CPED1: variants seen among roughly 807,000 people sequenced by gnomAD.
CPED1 encodes cadherin-like and PC-esterase domain-containing protein 1.
A neutral mutation model predicts 128.2 loss-of-function variants in CPED1; 114 were observed. That is an observed-to-expected ratio of 0.89 (90% CI 0.76 to 1.04). The LOEUF (loss-of-function observed/expected upper bound fraction) is 1.04. Ranked by LOEUF, CPED1 falls within the 50% of genes least tolerant of loss-of-function variation. CPED1 has a pLI of 0.00. For synonymous variants in CPED1, 462 were observed against 426.7 expected, an observed-to-expected ratio of 1.08 and a Z score of -1.02; for missense variants, 1,211 against 1,207.1, an observed-to-expected ratio of 1.00 and a Z score of -0.05.
At chr7:121,124,231 T>C (rs548687153) in intron 7 of CPED1, 100 bp from the exon 8 acceptor site, 34 of 1,080,502 alleles carry the variant, frequency 3.1e-5, no homozygotes, top group South Asian at 1.1e-4. Context: ...GTGTGACAAG[T>C]AGAGATAACC....
At chr7:121,117,878 C>T (rs1339996804) in intron 7 of CPED1, among the ~76,000 whole-genome samples, 7 of 151,254 alleles carry the variant, frequency 4.6e-5, no homozygotes, top group Non-Finnish European at 8.8e-5. Flanking sequence ...CTTTTGCTAG[C>T]TCTGATATTA....
At chr7:121,292,546 T>A (rs973793328) in intron 22 of CPED1, among the ~76,000 whole-genome samples, 1 of 151,966 alleles carries the variant, frequency 6.6e-6, no homozygotes, top group Non-Finnish European at 1.5e-5. Flanking sequence ...CTCCATCCAG[T>A]TTTGTTCCCT....
intron 7 of CPED1, among the ~76,000 whole-genome samples, chr7:121,101,205 G>A (rs1345684334): frequency 1.3e-5 from 2 of 150,706 alleles, no homozygotes; most frequent in Admixed American, 1.3e-4. Flanking sequence ...TAGATTTTTA[G>A]TTTTAGTTGA....
At chr7:121,129,515 G>A (rs1042756816) in intron 11 of CPED1, among the ~76,000 whole-genome samples, 1 of 151,082 alleles carries the variant, frequency 6.6e-6, no homozygotes, top group Non-Finnish European at 1.5e-5. Flanking sequence ...TATTTTAAAC[G>A]TATAAGTATT....
intron 7 of CPED1, among the ~76,000 whole-genome samples, chr7:121,107,969 T>C (rs1391533298): frequency 6.6e-6 from 1 of 152,154 alleles, no homozygotes; most frequent in Non-Finnish European, 1.5e-5. Context: ...ATTTATTCAT[T>C]GTAAGTTTAA....
chr7:121,159,967 A>C (rs940662254), intron 16 of CPED1, among the ~76,000 whole-genome samples: 21 of 152,322 alleles, frequency 1.4e-4, no homozygotes, highest in African/African-American at 4.8e-4. Context: ...GTTAAAATGC[A>C]TGATTACATT....
intron 16 of CPED1, among the ~76,000 whole-genome samples, chr7:121,208,229 G>A (rs1797564778): frequency 6.6e-6 from 1 of 151,814 alleles, no homozygotes. Flanking sequence ...TTACGTATCT[G>A]CATATGTAAT....
At chr7:121,148,196 T>C (rs1796069364) in intron 16 of CPED1, among the ~76,000 whole-genome samples, 2 of 152,184 alleles carry the variant, frequency 1.3e-5, no homozygotes, top group Non-Finnish European at 2.9e-5. Context: ...AACAATACAA[T>C]ATGTGCTATA....
chr7:121,201,271 A>C (rs928070063), intron 16 of CPED1, among the ~76,000 whole-genome samples: 2 of 152,080 alleles, frequency 1.3e-5, no homozygotes, highest in African/African-American at 2.4e-5. Flanking sequence ...CGCTCCACCA[A>C]AAATACAAAA....
chr7:121,178,046 G>A (rs1462196937), intron 16 of CPED1, among the ~76,000 whole-genome samples: 1 of 152,076 alleles, frequency 6.6e-6, no homozygotes, highest in African/African-American at 2.4e-5. Context: ...GTATTCACGA[G>A]GAGGGGCTCT....
chr7:121,191,113 C>A (rs1797126777), intron 16 of CPED1, among the ~76,000 whole-genome samples: 1 of 151,922 alleles, frequency 6.6e-6, no homozygotes, highest in Non-Finnish European at 1.5e-5. Flanking sequence ...GGAAAATGTT[C>A]CAAAATATTA....
chr7:121,271,760 A>T (rs1440656257), intron 22 of CPED1, among the ~76,000 whole-genome samples: 1 of 152,208 alleles, frequency 6.6e-6, no homozygotes, highest in Non-Finnish European at 1.5e-5. Flanking sequence ...TCCAAAAAAA[A>T]GGTGGCAAAG....
chr7:121,196,499 A>T (rs1298618208), intron 16 of CPED1, among the ~76,000 whole-genome samples: 1 of 152,116 alleles, frequency 6.6e-6, no homozygotes, highest in East Asian at 1.9e-4. Flanking sequence ...TTAGTTAGAG[A>T]CCATTATAGT....
intron 16 of CPED1, among the ~76,000 whole-genome samples, chr7:121,161,879 C>CA (rs1301592729): frequency 7.3e-5 from 11 of 151,706 alleles, no homozygotes; most frequent in South Asian, 2.1e-4. Flanking sequence ...AGCAGTTATT[C>CA]AAAAAAAATA....
chr7:121,048,572 C>T (rs1563005519), intron 4 of CPED1, among the ~76,000 whole-genome samples: 2 of 152,070 alleles, frequency 1.3e-5, no homozygotes. Context: ...CAAAGTCTCC[C>T]TCTGACACCC....
At chr7:121,217,710 GTTC>G (rs1797788447) in intron 16 of CPED1, among the ~76,000 whole-genome samples, 3 of 151,990 alleles carry the variant, frequency 2.0e-5, no homozygotes, top group African/African-American at 4.8e-5. Context: ...ATTCCCATAT[GTTC>G]TTCTTAGTGC....
At chr7:121,289,358 T>C (rs1197641525) in intron 22 of CPED1, among the ~76,000 whole-genome samples, 1 of 152,224 alleles carries the variant, frequency 6.6e-6, no homozygotes, top group African/African-American at 2.4e-5. Flanking sequence ...TGCACATTCA[T>C]TGTATTATAT....
At chr7:121,009,197 GT>G (rs1490142926) in intron 2 of CPED1, among the ~76,000 whole-genome samples, 5 of 152,128 alleles carry the variant, frequency 3.3e-5, no homozygotes, top group African/African-American at 1.2e-4. Context: ...CCATGTGGAT[GT>G]GAAGGAAGTG....
At chr7:121,267,110 T>A in intron 20 of CPED1, 105 bp from the exon 21 acceptor site, 1 of 701,260 alleles carries the variant, frequency 1.4e-6, no homozygotes, top group East Asian at 2.6e-5. Context: ...TTTATGCCAA[T>A]TATCACATTC....
Sources: gnomAD v4.1 joint callset for allele counts (sites outside exome capture counted in the v4.1 genomes callset) on GRCh38, gnomAD v4.1.1 for gene constraint, MANE v1.5 for transcripts, NCBI Gene and HGNC (gene_info 2026-07-23, HGNC 2026-07-21) for gene names.